Variants in ADK observed in about 807,000 individuals in gnomAD.
ADK encodes adenosine kinase, also known as N6,N6-dimethyladenosine kinase.
ADK carries 24 observed loss-of-function variants against 44.7 expected under a neutral mutation model. That is an observed-to-expected ratio of 0.54 (90% CI 0.39 to 0.76). ADK has a LOEUF of 0.76. ADK is among the 30% of genes least tolerant of loss of function. The probability of loss-of-function intolerance (pLI) is 0.00; values close to 1 mark genes in which losing one functional copy is unlikely to be tolerated. For synonymous variants in ADK, 128 were observed against 142.6 expected (o/e 0.90, Z 0.73); for missense variants, 321 against 425.1 (o/e 0.76, Z 2.15).
intron 6 of ADK, among the ~76,000 whole-genome samples, chr10:74,412,000 G>T (rs1844199662): frequency 6.6e-6 from 1 of 152,144 alleles, no homozygotes; most frequent in Non-Finnish European, 1.5e-5. Context: ...TCATGTGATT[G>T]CAGCAATTCA....
In ADK at chr10:74,626,302, A is replaced by ATTT. The variant is rs571501922; in HGVS notation, c.877+25825_877+25827dup. Among the ~76,000 whole-genome samples, 678 of 139,816 alleles carry ATTT rather than the reference A, an allele frequency of 4.8e-3. 7 individuals carry two copies. Among genetic ancestry groups the ATTT allele is most frequent in the African/African-American group, 0.017 (646 of 37,598 alleles). 91.7% of individuals were successfully genotyped at this position (139,816 alleles called of 152,430 possible). On this transcript the variant is annotated intron_variant, in intron 9 of 10. Coordinates refer to ENST00000539909, the MANE Select transcript of ADK (RefSeq NM_006721.4). Reference sequence around the variant, plus strand: ...AATATGTCTTCACTAAAGAGTCTAAATTTTTTTTTTTTTTTTTTGGAGGAG... The same window carrying ATTT: ...AATATGTCTTCACTAAAGAGTCTAAATTTTTTTTTTTTTTTTTTTTTGGAGGAG...
chr10:74,675,386 T>C (rs1361365836), intron 10 of ADK, among the ~76,000 whole-genome samples: 1 of 152,188 alleles, frequency 6.6e-6, no homozygotes, highest in Non-Finnish European at 1.5e-5. Context: ...CTCACGGGTT[T>C]AGTGACAGTA....
rs576017342 is a variant in ADK, at chr10:74,348,991, C to T, written c.273+34246C>T. Among the ~76,000 whole-genome samples, 721 of 152,230 alleles carry T rather than the reference C, an allele frequency of 4.7e-3. 1 individual carries two copies. Among genetic ancestry groups the T allele is most frequent in the Non-Finnish European group, 7.0e-3 (473 of 68,010 alleles). Reference sequence around the variant, plus strand: ...TGGAACCAAGTTGGAAAACACACTTCAGGATATTATCCAGGAGAACTTCCC... The same window carrying T: ...TGGAACCAAGTTGGAAAACACACTTTAGGATATTATCCAGGAGAACTTCCC... On this transcript the variant is annotated intron_variant, in intron 4 of 10. Coordinates refer to ENST00000539909, the MANE Select transcript of ADK (RefSeq NM_006721.4).
chr10:74,205,985 A>G (rs1009129790), intron 2 of ADK, among the ~76,000 whole-genome samples: 9 of 152,216 alleles, frequency 5.9e-5, no homozygotes, highest in Non-Finnish European at 1.3e-4. Context: ...TTATATATCA[A>G]AGGCTGTAAT....
At chr10:74,469,033 A>G (rs1431028844) in intron 6 of ADK, among the ~76,000 whole-genome samples, 2 of 152,112 alleles carry the variant, frequency 1.3e-5, no homozygotes, top group African/African-American at 4.8e-5. Context: ...TCAAAAATAC[A>G]TATCATAAAA....
At chr10:74,400,705 T>C (rs1470967115) in intron 6 of ADK, among the ~76,000 whole-genome samples, 1 of 152,206 alleles carries the variant, frequency 6.6e-6, no homozygotes, top group Non-Finnish European at 1.5e-5. Flanking sequence ...ATTAAAGTTC[T>C]GGGGGCTCTT....
intron 2 of ADK, among the ~76,000 whole-genome samples, chr10:74,203,812 T>C (rs536532815): frequency 3.0e-4 from 46 of 151,878 alleles, no homozygotes; most frequent in Non-Finnish European, 6.0e-4. Context: ...CAATTCCATA[T>C]GAATTTTTGG....
intron 3 of ADK, among the ~76,000 whole-genome samples, chr10:74,257,259 G>C (rs949086246): frequency 2.0e-5 from 3 of 152,140 alleles, no homozygotes; most frequent in Admixed American, 2.0e-4. Context: ...TTGGCTCTCT[G>C]TATGCGCAAG....
At chr10:74,516,021 C>T (rs1224676947) in intron 6 of ADK, among the ~76,000 whole-genome samples, 6 of 152,162 alleles carry the variant, frequency 3.9e-5, no homozygotes, top group African/African-American at 1.4e-4. Flanking sequence ...TGGCTATTCT[C>T]AAGATGACGC....
rs893207268 is a variant in ADK at position 74,572,433 on chromosome 10, A to T, written c.727-16849A>T. 1.8e-3 allele frequency among the ~76,000 whole-genome samples: 271 copies of T among 152,106 alleles called. 4 individuals carry two copies. The highest frequency in any genetic ancestry group is 4.0e-4 in the Non-Finnish European group (27 of 68,020). ...CCGACCTTTCTCTCTGGCTGCCCTTAACATTTTTTCCTTCATTTCAACTTT... is the reference window on the plus strand; with the variant it reads ...CCGACCTTTCTCTCTGGCTGCCCTTTACATTTTTTCCTTCATTTCAACTTT... On this transcript the variant is annotated intron_variant, in intron 7 of 10. Transcript: ENST00000539909.
At chr10:74,352,282 C>T (rs531865598) in intron 4 of ADK, among the ~76,000 whole-genome samples, 1 of 152,098 alleles carries the variant, frequency 6.6e-6, no homozygotes, top group Non-Finnish European at 1.5e-5. Flanking sequence ...ACATCTACAA[C>T]CATCTGATCT....
At chr10:74,480,302 T>TA (rs1466470325) in intron 6 of ADK, among the ~76,000 whole-genome samples, 2 of 151,644 alleles carry the variant, frequency 1.3e-5, no homozygotes, top group Non-Finnish European at 2.9e-5. Flanking sequence ...GATCATACTT[T>TA]ACTACAGCCT....
chr10:74,200,836 T>C lies in ADK; in HGVS notation c.138T>C (p.Asp46=). The change falls in exon 2 of 11, where the codon GAT becomes GAC. Residue 46 remains aspartate (D), a splice_region_variant and synonymous_variant. Transcript: ENST00000539909. ...CTGTAGTGGACAAAGATTTCCTTGA[T>C]AAGTAAGTATTAAACTCTTCATATG... ...ISAVVDKDFL[D]KYSLKPNDQI... The C allele has an allele frequency of 6.3e-7, 1 of 1,591,254 alleles. No homozygotes were observed. The highest frequency in any genetic ancestry group is 2.2e-5 in the East Asian group (1 of 44,670).
intron 3 of ADK, among the ~76,000 whole-genome samples, chr10:74,245,343 A>G (rs1845376698): frequency 6.6e-6 from 1 of 152,120 alleles, no homozygotes; most frequent in South Asian, 2.1e-4. Flanking sequence ...ACCTACTATA[A>G]TGCTTTATTT....
chr10:74,474,560 C>G (rs1475789343), intron 6 of ADK, among the ~76,000 whole-genome samples: 1 of 150,342 alleles, frequency 6.7e-6, no homozygotes, highest in Non-Finnish European at 1.5e-5. Flanking sequence ...TTCTCCCTCC[C>G]CTCCCCTCAT....
intron 4 of ADK, among the ~76,000 whole-genome samples, chr10:74,328,582 G>A (rs557912883): frequency 8.8e-4 from 134 of 152,208 alleles, no homozygotes; most frequent in African/African-American, 3.1e-3. Context: ...ATTGGATCAT[G>A]GGGGTGGTTT....
At chr10:74,551,728 A>G (rs1287908308) in intron 7 of ADK, among the ~76,000 whole-genome samples, 2 of 152,180 alleles carry the variant, frequency 1.3e-5, no homozygotes, top group African/African-American at 2.4e-5. Flanking sequence ...TTTTGAGGCC[A>G]TATTTGTTCT....
chr10:74,173,926 C>T (rs1039284031), intron 1 of ADK, among the ~76,000 whole-genome samples: 1 of 152,084 alleles, frequency 6.6e-6, no homozygotes, highest in Admixed American at 6.6e-5. Flanking sequence ...CTATTAGACT[C>T]TTTACTATAG....
Position 74,446,432 on chromosome 10 carries a change from A to G in ADK, c.555+47853A>G, listed in dbSNP as rs114241693. Reference sequence around the variant, plus strand: ...GGATCAAATTGTGAAATACTAAACTAGGTTGCCTGTGGAAGTATAGTGAGA... The same window carrying G: ...GGATCAAATTGTGAAATACTAAACTGGGTTGCCTGTGGAAGTATAGTGAGA... On this transcript the variant is annotated intron_variant, in intron 6 of 10. Transcript: ENST00000539909. 5.3e-3 allele frequency among the ~76,000 whole-genome samples: 808 copies of G among 152,274 alleles called. 6 individuals carry two copies. Among genetic ancestry groups the G allele is most frequent in the African/African-American group, 0.018 (752 of 41,566 alleles).
Sources: allele counts gnomAD v4.1 joint callset (sites outside exome capture counted in the v4.1 genomes callset), GRCh38; gene constraint gnomAD v4.1.1; transcripts MANE v1.5; gene names NCBI Gene and HGNC (gene_info 2026-07-23, HGNC 2026-07-21).